The following FRMD5 variants were observed in gnomAD, a reference collection of about 807,000 sequenced individuals.
FRMD5 encodes FERM domain containing 5, also known as FERM domain-containing protein 5.
FRMD5 carries 20 observed loss-of-function variants against 69.0 expected under a neutral mutation model. That is an observed-to-expected ratio of 0.29 (90% CI 0.20 to 0.42). The LOEUF (loss-of-function observed/expected upper bound fraction) is 0.42, where lower values mean the gene tolerates loss of function less well. Ranked by LOEUF, FRMD5 falls within the 10% of genes least tolerant of loss-of-function variation. The probability of loss-of-function intolerance (pLI) is 1.00; values close to 1 mark genes in which losing one functional copy is unlikely to be tolerated. For missense variants in FRMD5, 595 were observed against 708.6 expected (o/e 0.84, Z 1.82); for synonymous variants, 271 against 260.1 (o/e 1.04, Z -0.40).
chr15:43,945,148 A>G (rs1388340433), intron 1 of FRMD5, among the ~76,000 whole-genome samples: 2 of 152,094 alleles, frequency 1.3e-5, no homozygotes, highest in Non-Finnish European at 2.9e-5. Context: ...GCCATTAAAA[A>G]ATGGGAAACT....
At chr15:44,190,555 C>T (rs1030160053) in intron 1 of FRMD5, among the ~76,000 whole-genome samples, 15 of 152,272 alleles carry the variant, frequency 9.9e-5, no homozygotes, top group African/African-American at 3.4e-4. Flanking sequence ...AGGAGCTATA[C>T]CAACTGGCAC....
rs571613492 is a variant in FRMD5, at chr15:44,029,698, A to G, written c.103-105389T>C. On this transcript the variant is annotated intron_variant, in intron 1 of 13. Transcript: ENST00000417257. ...TTCAATCACTGTACTTTCCACAGTAAATTTGTTTCTCAACACTCTAGCAAT... is the reference window on the plus strand; with the variant it reads ...TTCAATCACTGTACTTTCCACAGTAGATTTGTTTCTCAACACTCTAGCAAT... Among the ~76,000 whole-genome samples, 5 of 152,332 alleles carry G rather than the reference A, an allele frequency of 3.3e-5. No homozygotes were observed. In the South Asian group the frequency reaches 1.0e-3, roughly 32 times the overall value.
At chr15:44,025,370 A>G (rs1460918321) in intron 1 of FRMD5, among the ~76,000 whole-genome samples, 1 of 152,186 alleles carries the variant, frequency 6.6e-6, no homozygotes, top group Admixed American at 6.5e-5. Context: ...AGGAAGTTAG[A>G]TATTGATAAG....
chr15:44,125,403 C>A (rs1479631036), intron 1 of FRMD5, among the ~76,000 whole-genome samples: 1 of 152,122 alleles, frequency 6.6e-6, no homozygotes, highest in Non-Finnish European at 1.5e-5. Flanking sequence ...GGCTGATTTT[C>A]AGAGCCATTC....
At chr15:44,069,205 G>T (rs1414486247) in intron 1 of FRMD5, among the ~76,000 whole-genome samples, 1 of 152,166 alleles carries the variant, frequency 6.6e-6, no homozygotes, top group Non-Finnish European at 1.5e-5. Flanking sequence ...CAAAGAAACT[G>T]AATTATTCAC....
At chr15:43,884,086 T>C (rs2088603347) in intron 12 of FRMD5, among the ~76,000 whole-genome samples, 1 of 152,118 alleles carries the variant, frequency 6.6e-6, no homozygotes, top group Non-Finnish European at 1.5e-5. Context: ...GGGGCAAGAC[T>C]GTCAGAGAGT....
intron 1 of FRMD5, among the ~76,000 whole-genome samples, chr15:43,971,487 C>T (rs2140578035): frequency 6.6e-6 from 1 of 151,466 alleles, no homozygotes; most frequent in Non-Finnish European, 1.5e-5. Flanking sequence ...AGTTCAAGAC[C>T]AGCCTGATCA....
At chr15:43,897,065 A>G (rs1365549663) in intron 7 of FRMD5, among the ~76,000 whole-genome samples, 1 of 152,062 alleles carries the variant, frequency 6.6e-6, no homozygotes, top group African/African-American at 2.4e-5. Context: ...CCTGGTGGAA[A>G]CTGCACCAGG....
chr15:43,998,171 C>A, intron 1 of FRMD5, among the ~76,000 whole-genome samples: 1 of 152,130 alleles, frequency 6.6e-6, no homozygotes, highest in Non-Finnish European at 1.5e-5. Context: ...GCTATGATTC[C>A]TTCTCCACAA....
chr15:44,017,300 T>C (rs989642037), intron 1 of FRMD5, among the ~76,000 whole-genome samples: 8 of 151,268 alleles, frequency 5.3e-5, no homozygotes, highest in African/African-American at 1.9e-4. Flanking sequence ...ATAGCGCCAC[T>C]GCAGTCTGGC....
At chr15:44,189,490 C>CTT (rs762693920) in intron 1 of FRMD5, among the ~76,000 whole-genome samples, 2 of 135,016 alleles carry the variant, frequency 1.5e-5, no homozygotes, top group Non-Finnish European at 1.6e-5. Context: ...AAAGTCAAGA[C>CTT]TTTTTTTTTT....
At chr15:44,089,601 G>A (rs2076442845) in intron 1 of FRMD5, among the ~76,000 whole-genome samples, 1 of 152,080 alleles carries the variant, frequency 6.6e-6, no homozygotes, top group Admixed American at 6.6e-5. Flanking sequence ...TATTTGGGAG[G>A]CTGAGGTGGG....
At chr15:43,940,072 G>A (rs1365695517) in intron 1 of FRMD5, among the ~76,000 whole-genome samples, 1 of 152,166 alleles carries the variant, frequency 6.6e-6, no homozygotes, top group Non-Finnish European at 1.5e-5. Context: ...AGCCACCTGT[G>A]GGGCTGCGGA....
chr15:43,898,097 G>C (rs2088958215), intron 7 of FRMD5, among the ~76,000 whole-genome samples: 1 of 152,200 alleles, frequency 6.6e-6, no homozygotes, highest in African/African-American at 2.4e-5. Flanking sequence ...TAAGACAGAT[G>C]ATATCAATAA....
chr15:43,901,944 G>A, intron 7 of FRMD5: 3 of 509,028 alleles, frequency 5.9e-6, no homozygotes, highest in Non-Finnish European at 6.9e-6. Context: ...CTTTGGATTT[G>A]TTATTTAGAT....
intron 1 of FRMD5, among the ~76,000 whole-genome samples, chr15:44,067,473 C>G (rs1893358825): frequency 6.6e-6 from 1 of 152,102 alleles, no homozygotes; most frequent in Non-Finnish European, 1.5e-5. Flanking sequence ...AGTTTATAAA[C>G]AGTATAATTT....
chr15:44,098,119 A>AAAAAAAAAAC (rs761050080), intron 1 of FRMD5, among the ~76,000 whole-genome samples: 10 of 109,702 alleles, frequency 9.1e-5, no homozygotes, highest in South Asian at 8.0e-4. Context: ...ACAAAACAAA[A>AAAAAAAAAAC]AAAAAAAAAC....
At chr15:44,047,562 A>C (rs1029498681) in intron 1 of FRMD5, among the ~76,000 whole-genome samples, 2 of 152,200 alleles carry the variant, frequency 1.3e-5, no homozygotes, top group Non-Finnish European at 2.9e-5. Context: ...CTTTTTCAAA[A>C]ATGGATTTAT....
chr15:44,032,672 G>A (rs1891734358), intron 1 of FRMD5, among the ~76,000 whole-genome samples: 1 of 152,182 alleles, frequency 6.6e-6, no homozygotes, highest in Admixed American at 6.5e-5. Flanking sequence ...ACACCAGTCA[G>A]AAAGGCTATT....
Sources: allele counts gnomAD v4.1 joint callset (sites outside exome capture counted in the v4.1 genomes callset), GRCh38; gene constraint gnomAD v4.1.1; transcripts MANE v1.5; gene names NCBI Gene and HGNC (gene_info 2026-07-23, HGNC 2026-07-21).